HS3ST4: variants seen among roughly 807,000 people sequenced by gnomAD.
HS3ST4 encodes the protein heparan sulfate glucosamine 3-O-sulfotransferase 4.
A neutral mutation model predicts 29.2 loss-of-function variants in HS3ST4; 17 were observed. The ratio of observed to expected loss-of-function variants is 0.58; its 90% CI spans 0.40 to 0.87. HS3ST4 has a LOEUF of 0.87. Among genes scored for constraint, HS3ST4 ranks in the 40% least tolerant of loss-of-function variants. HS3ST4 has a pLI of 0.00. For missense variants in HS3ST4, 627 were observed against 634.5 expected, an observed-to-expected ratio of 0.99 and a Z score of 0.13; for synonymous variants, 314 against 285.7, an observed-to-expected ratio of 1.10 and a Z score of -1.00.
chr16:25,848,016 T>C (rs1306516004), intron 1 of HS3ST4, among the ~76,000 whole-genome samples: 1 of 152,250 alleles, frequency 6.6e-6, no homozygotes, highest in Non-Finnish European at 1.5e-5. Flanking sequence ...TCAACAACTT[T>C]CTTTTTCAGT....
At chr16:25,735,641 G>A (rs7204882) in intron 1 of HS3ST4, among the ~76,000 whole-genome samples, 22,858 of 152,064 alleles carry the variant, frequency 0.15, 2,138 homozygotes, top group African/African-American at 0.27. Context: ...TCCTCCTGCC[G>A]TGGCCTCCCT....
chr16:26,053,908 G>C (rs1898375246), intron 1 of HS3ST4, among the ~76,000 whole-genome samples: 1 of 152,012 alleles, frequency 6.6e-6, no homozygotes, highest in African/African-American at 2.4e-5. Flanking sequence ...CCTATCATGT[G>C]ACGGCAGAAG....
chr16:25,784,417 A>G (rs1966855432), intron 1 of HS3ST4, among the ~76,000 whole-genome samples: 1 of 152,246 alleles, frequency 6.6e-6, no homozygotes, highest in Non-Finnish European at 1.5e-5. Flanking sequence ...CTCTTGCACC[A>G]AACAATTAAC....
chr16:25,789,359 TTC>T (rs1966863148), intron 1 of HS3ST4, among the ~76,000 whole-genome samples: 1 of 150,734 alleles, frequency 6.6e-6, no homozygotes, highest in African/African-American at 2.5e-5. Flanking sequence ...CTTCTTTCCT[TTC>T]CCTCTCTCTC....
intron 1 of HS3ST4, among the ~76,000 whole-genome samples, chr16:25,828,294 TTCTTTCCCTCTC>T (rs1567249488): frequency 2.2e-5 from 1 of 45,124 alleles, no homozygotes; most frequent in African/African-American, 9.4e-5. Context: ...CTTTCTTTCT[TTCTTTCCCTCTC>T]TCTCTCTCTC....
At chr16:25,917,315 C>A (rs1434245909) in intron 1 of HS3ST4, among the ~76,000 whole-genome samples, 1 of 152,110 alleles carries the variant, frequency 6.6e-6, no homozygotes, top group Non-Finnish European at 1.5e-5. Context: ...CAGGTTCAAG[C>A]GATTCTCCTG....
chr16:25,765,798 C>G (rs1024371173), intron 1 of HS3ST4, among the ~76,000 whole-genome samples: 6 of 151,950 alleles, frequency 3.9e-5, no homozygotes, highest in African/African-American at 4.8e-5. Flanking sequence ...GTCAGGTGCC[C>G]CATGTAGTCC....
intron 1 of HS3ST4, among the ~76,000 whole-genome samples, chr16:25,724,909 GTT>G (rs72007368): frequency 2.0e-5 from 3 of 147,200 alleles, no homozygotes; most frequent in Non-Finnish European, 1.5e-5. Flanking sequence ...ACCTCGTCAA[GTT>G]TTTTTTTTTT....
At chr16:25,979,690 A>G (rs1017984424) in intron 1 of HS3ST4, among the ~76,000 whole-genome samples, 5 of 152,192 alleles carry the variant, frequency 3.3e-5, no homozygotes, top group Admixed American at 6.5e-5. Flanking sequence ...AAAGTGTACA[A>G]TCAGTGTAAT....
intron 1 of HS3ST4, among the ~76,000 whole-genome samples, chr16:25,796,851 C>G (rs11861746): frequency 0.12 from 18,764 of 152,212 alleles, 1,334 homozygotes; most frequent in African/African-American, 0.18. Context: ...TGGGAGGTAA[C>G]TTTTGCCATG....
At chr16:26,077,320 C>T (rs1898674501) in intron 1 of HS3ST4, among the ~76,000 whole-genome samples, 1 of 152,188 alleles carries the variant, frequency 6.6e-6, no homozygotes, top group African/African-American at 2.4e-5. Flanking sequence ...CAGTAGCAAA[C>T]CCAGATTCAA....
chr16:25,873,145 A>C (rs1183946635), intron 1 of HS3ST4, among the ~76,000 whole-genome samples: 1 of 151,692 alleles, frequency 6.6e-6, no homozygotes, highest in Non-Finnish European at 1.5e-5. Flanking sequence ...TCTTTCTTCC[A>C]TCTGTCCATC....
At chr16:25,829,378 C>T (rs926640180) in intron 1 of HS3ST4, among the ~76,000 whole-genome samples, 5 of 152,302 alleles carry the variant, frequency 3.3e-5, no homozygotes, top group Non-Finnish European at 7.3e-5. Context: ...AGAGAGAAGC[C>T]AAGAGTATTT....
At chr16:26,102,538 GA>G (rs1313666315) in intron 1 of HS3ST4, among the ~76,000 whole-genome samples, 1 of 152,030 alleles carries the variant, frequency 6.6e-6, no homozygotes, top group African/African-American at 2.4e-5. Context: ...GCCATTCCTT[GA>G]AACAGCTGTC....
At position 25,898,307 on chromosome 16, in the gene HS3ST4, G is replaced by A. The variant is rs373399278; in HGVS notation, c.734+205156G>A. 3.9e-5 allele frequency among the ~76,000 whole-genome samples: 6 copies of A among 152,190 alleles called. No homozygotes were observed. In the East Asian group the frequency reaches 1.2e-3, roughly 29 times the overall value. The stretch of plus-strand genomic sequence containing the variant: ...TAATACTTATTTTATGTGCCTGGCA[G>A]GATCCTGAGCTCCTTGCATGTCATC... On this transcript the variant is annotated intron_variant, in intron 1 of 1. Coordinates refer to ENST00000331351, the MANE Select transcript of HS3ST4 (RefSeq NM_006040.3).
intron 1 of HS3ST4, among the ~76,000 whole-genome samples, chr16:25,952,532 G>A (rs1466903859): frequency 3.3e-5 from 5 of 152,156 alleles, no homozygotes; most frequent in African/African-American, 9.7e-5. Context: ...TTCTTCATTT[G>A]TAAGAAGGAA....
At position 25,692,158 on chromosome 16, in the gene HS3ST4, G is replaced by C. The variant is rs574536106; in HGVS notation, c.-260G>C. ...CTCGGTCCCCTTGCCTGAGGCTGAGGGGGGGGCGGTGGTGGGGGGGCCACC... is the reference window on the plus strand; with the variant it reads ...CTCGGTCCCCTTGCCTGAGGCTGAGCGGGGGGCGGTGGTGGGGGGGCCACC... On this transcript the variant is annotated 5_prime_UTR_variant, in exon 1 of 2. Coordinates refer to ENST00000331351, the MANE Select transcript of HS3ST4 (RefSeq NM_006040.3). 3 of 149,586 alleles carry C rather than the reference G, an allele frequency of 2.0e-5. No homozygotes were observed. Among genetic ancestry groups the C allele is most frequent in the African/African-American group, 4.9e-5 (2 of 40,870 alleles). The allele number at this position is 149,586 out of a possible 1,614,324, so 9.3% of individuals were successfully genotyped here. A position where few individuals can be genotyped will look rare whatever the true frequency, so the allele number is the denominator to read the frequency against.
chr16:25,705,536 G>A (rs761033807), intron 1 of HS3ST4, among the ~76,000 whole-genome samples: 3 of 152,038 alleles, frequency 2.0e-5, no homozygotes, highest in Admixed American at 1.3e-4. Flanking sequence ...GTGGTGGCAC[G>A]CACCTGTAGT....
intron 1 of HS3ST4, among the ~76,000 whole-genome samples, chr16:25,701,207 GTTTAT>G (rs1966332561): frequency 6.6e-6 from 1 of 152,142 alleles, no homozygotes; most frequent in African/African-American, 2.4e-5. Context: ...CATATTTTAT[GTTTAT>G]TAATCTTTTT....
Sources: gnomAD v4.1 joint callset for allele counts (sites outside exome capture counted in the v4.1 genomes callset) on GRCh38, gnomAD v4.1.1 for gene constraint, MANE v1.5 for transcripts, NCBI Gene and HGNC (gene_info 2026-07-23, HGNC 2026-07-21) for gene names.